GALNT9: variants seen among roughly 807,000 people sequenced by gnomAD.
GALNT9 encodes GalNAc transferase 9.
GALNT9 carries 47 observed loss-of-function variants against 63.1 expected under a neutral mutation model. The ratio of observed to expected loss-of-function variants is 0.75; its 90% confidence interval spans 0.59 to 0.95. The LOEUF (loss-of-function observed/expected upper bound fraction) is 0.95. Among genes scored for constraint, GALNT9 ranks in the 40% least tolerant of loss-of-function variants. The pLI is 0.00. For synonymous variants in GALNT9, 396 were observed against 365.7 expected (o/e 1.08, Z -0.94); for missense variants, 829 against 874.8 (o/e 0.95, Z 0.66).
chr12:132,268,787 C>G (rs1269950377), intron 2 of GALNT9, among the ~76,000 whole-genome samples: 1 of 152,178 alleles, frequency 6.6e-6, no homozygotes, highest in African/African-American at 2.4e-5. Context: ...CAGGTGCCCC[C>G]CTCGGCGGCC....
chr12:132,287,062 C>T, intron 1 of GALNT9, among the ~76,000 whole-genome samples: 1 of 14,064 alleles, frequency 7.1e-5, no homozygotes, highest in Non-Finnish European at 2.0e-4. Context: ...AGTGAGCGCC[C>T]CCCCCCCCCC....
At chr12:132,322,490 AG>A (rs1160989350) in intron 1 of GALNT9, among the ~76,000 whole-genome samples, 30 of 152,250 alleles carry the variant, frequency 2.0e-4, no homozygotes, top group Admixed American at 1.5e-3. Flanking sequence ...GAGCACAGCA[AG>A]CACCCAGCAT....
chr12:132,314,465 A>G (rs149651095), intron 1 of GALNT9, among the ~76,000 whole-genome samples: 8 of 152,198 alleles, frequency 5.3e-5, no homozygotes, highest in African/African-American at 1.9e-4. Context: ...ATCATTTTTC[A>G]CATTTCACAG....
Position 132,303,460 on chromosome 12 carries a change from C to T in GALNT9, c.239-17030G>A, listed in dbSNP as rs1373871695. Among the ~76,000 whole-genome samples, 49 of 129,412 alleles carry T rather than the reference C, an allele frequency of 3.8e-4. 1 individual carries two copies. The highest frequency in any genetic ancestry group is 1.5e-3 in the African/African-American group (47 of 31,044). 84.9% of individuals were successfully genotyped at this position (129,412 alleles called of 152,430 possible). On this transcript the variant is annotated intron_variant, in intron 1 of 10. Coordinates refer to ENST00000328957, the MANE Select transcript of GALNT9 (RefSeq NM_001122636.2). Reference sequence around the variant, plus strand: ...ACACCCTCGCCCGGGCACACCCTCGCCCGGACACACCCTCACCCGGGCACA... The same window carrying T: ...ACACCCTCGCCCGGGCACACCCTCGTCCGGACACACCCTCACCCGGGCACA...
At chr12:132,304,598 C>T (rs370968029) in intron 1 of GALNT9, among the ~76,000 whole-genome samples, 1 of 32,050 alleles carries the variant, frequency 3.1e-5, no homozygotes, top group African/African-American at 2.0e-4. Flanking sequence ...CGCCCTCACC[C>T]GGGCACAGCC....
intron 2 of GALNT9, chr12:132,283,754 C>CA (rs1443938663): frequency 6.6e-6 from 1 of 152,230 alleles, no homozygotes; most frequent in Non-Finnish European, 1.5e-5. Flanking sequence ...ATGGGACCCC[C>CA]CCCCAGGAGG....
At chr12:132,256,669 T>TGGAGGGGGGACACTG (rs1555239113) in intron 5 of GALNT9, among the ~76,000 whole-genome samples, 3 of 24,650 alleles carry the variant, frequency 1.2e-4, no homozygotes, top group African/African-American at 5.5e-4. Context: ...GGGGGGACGC[T>TGGAGGGGGGACACTG]GGAGGGGGGA....
At chr12:132,211,460 G>A (rs1052231716) in intron 6 of GALNT9, among the ~76,000 whole-genome samples, 4 of 152,126 alleles carry the variant, frequency 2.6e-5, no homozygotes, top group Admixed American at 2.0e-4. Context: ...CACCTCAGAC[G>A]CTGTCACCAC....
intron 6 of GALNT9, among the ~76,000 whole-genome samples, chr12:132,207,445 C>T (rs2135511305): frequency 6.6e-6 from 1 of 152,362 alleles, no homozygotes; most frequent in East Asian, 1.9e-4. Context: ...ACATGGGAAC[C>T]TGGTGGGACT....
At chr12:132,313,080 CCCACCCATCCACCCACTCACCCATCCAT>C in intron 1 of GALNT9, among the ~76,000 whole-genome samples, 1 of 151,018 alleles carries the variant, frequency 6.6e-6, no homozygotes, top group African/African-American at 2.4e-5. Context: ...CACCCACTCA[CCCACCCATCCACCCACTCACCCATCCAT>C]CCACCCATCC....
intron 2 of GALNT9, chr12:132,283,525 TCACCTGGCCTTGGCAGCCC>T (rs1880448904): frequency 6.6e-6 from 1 of 152,288 alleles, no homozygotes; most frequent in Non-Finnish European, 1.5e-5. Context: ...ACAGCCCTGC[TCACCTGGCCTTGGCAGCCC>T]CAGCTGGTCT....
rs1435291199 is a variant in GALNT9 at position 132,245,818 on chromosome 12, C to T, written c.1077+2092G>A. Among the ~76,000 whole-genome samples, 1 of 152,186 alleles carries T rather than the reference C, an allele frequency of 6.6e-6. No individual in the cohort carries two copies. Among genetic ancestry groups the T allele is most frequent in the Non-Finnish European group, 1.5e-5 (1 of 68,022 alleles). On this transcript the variant is annotated intron_variant, in intron 6 of 10. Coordinates refer to ENST00000328957, the MANE Select transcript of GALNT9 (RefSeq NM_001122636.2). The surrounding 1 kb of genome is among the most constrained non-coding windows in gnomAD (Gnocchi z 6.3). Reference sequence around the variant, plus strand: ...CGATTTTGTTTGGAGGGGAGGTGGGCGTGTTTCTCCCCTGGGCCCTTCCTG... The same window carrying T: ...CGATTTTGTTTGGAGGGGAGGTGGGTGTGTTTCTCCCCTGGGCCCTTCCTG...
chr12:132,288,353 G>A (rs1380981282), intron 1 of GALNT9, among the ~76,000 whole-genome samples: 1 of 152,242 alleles, frequency 6.6e-6, no homozygotes. Context: ...CAGATTGGAC[G>A]TAGAATTGAA....
chr12:132,264,048 G>T (rs1483854805), intron 2 of GALNT9, among the ~76,000 whole-genome samples: 1 of 152,260 alleles, frequency 6.6e-6, no homozygotes, highest in Non-Finnish European at 1.5e-5. Context: ...TGGGGGCAGA[G>T]AATCCCTGTC....
At chr12:132,215,393 G>A (rs1877143320) in intron 6 of GALNT9, among the ~76,000 whole-genome samples, 1 of 152,260 alleles carries the variant, frequency 6.6e-6, no homozygotes, top group Non-Finnish European at 1.5e-5. Context: ...GGATGCCACT[G>A]CAGCCCGGGG....
At chr12:132,291,475 T>TCCACAGCACCCACAA (rs1250351748) in intron 1 of GALNT9, among the ~76,000 whole-genome samples, 2 of 134,454 alleles carry the variant, frequency 1.5e-5, no homozygotes, top group South Asian at 2.5e-4. Flanking sequence ...AGCACCCACG[T>TCCACAGCACCCACAA]CCACAGCACC....
intron 1 of GALNT9, among the ~76,000 whole-genome samples, chr12:132,300,106 T>G (rs1881235843): frequency 7.6e-6 from 1 of 132,178 alleles, no homozygotes; most frequent in Non-Finnish European, 1.6e-5. Context: ...ACTCCCATGA[T>G]AACTAACCCA....
intron 1 of GALNT9, among the ~76,000 whole-genome samples, chr12:132,298,177 G>C (rs1881144786): frequency 6.6e-6 from 1 of 151,518 alleles, no homozygotes; most frequent in Non-Finnish European, 1.5e-5. Flanking sequence ...CCATTATTCT[G>C]ATAACTAACT....
Position 132,329,196 on chromosome 12 carries a change from A to C in GALNT9, c.8T>G (p.Val3Gly). MA[V>G]ARKIRTLLTV... ...CAGCAAAGTTCGGATCTTCCTGGCC[A>C]CCGCCATGAACACGGCTGCAGCGGG... Residue 3 changes from valine (V) to glycine (G), a missense_variant, in exon 1 of 11, where the codon GTG (valine) becomes GGG (glycine). Physicochemically the swap from Val to Gly is moderately radical, Grantham distance 109. Transcript: ENST00000328957. 2 of 1,545,754 alleles carry C rather than the reference A, an allele frequency of 1.3e-6. No homozygotes were observed. The highest frequency in any genetic ancestry group is 1.7e-6 in the Non-Finnish European group (2 of 1,144,016).
Sources: gnomAD v4.1 joint callset for allele counts (sites outside exome capture counted in the v4.1 genomes callset) on GRCh38, gnomAD v4.1.1 for gene constraint, Gnocchi (gnomAD v3.1) non-coding constraint, MANE v1.5 for transcripts, NCBI Gene and HGNC (gene_info 2026-07-23, HGNC 2026-07-21) for gene names.